The following FGGY variants were observed in gnomAD, a reference collection of about 807,000 sequenced individuals.
The protein encoded by FGGY is FGGY carbohydrate kinase domain-containing protein.
A neutral mutation model predicts 71.3 loss-of-function variants in FGGY; 72 were observed. That is an observed-to-expected ratio of 1.01 (90% CI 0.84 to 1.23). FGGY has a LOEUF of 1.23. Ranked by LOEUF, FGGY falls within the 50% of genes most tolerant of loss-of-function variation. The pLI, the probability that FGGY is intolerant of heterozygous loss-of-function variation, is 0.00. For missense variants in FGGY, 668 were observed against 682.3 expected (o/e 0.98, Z 0.23); for synonymous variants, 251 against 250.3 (o/e 1.00, Z -0.02).
At position 59,576,653 on chromosome 1, in the gene FGGY, TACAG is replaced by T. The variant is rs869282788; in HGVS notation, c.903+22450_903+22453del. 8.2e-3 allele frequency among the ~76,000 whole-genome samples: 874 copies of T among 106,848 alleles called. 5 individuals carry two copies. Among genetic ancestry groups the T allele is most frequent in the Admixed American group, 0.027 (304 of 11,416 alleles). The allele number at this position is 106,848 out of a possible 152,430, so 70.1% of individuals were successfully genotyped here. A position where few individuals can be genotyped will look rare whatever the true frequency, so the allele number is the denominator to read the frequency against. On this transcript the variant is annotated intron_variant, in intron 8 of 15. Transcript: ENST00000303721. ...AGTGAGAGTGATATTTGCTAGAGAT[TACAG>T]ACAGACAGACAGACAGACAGACACA... is the stretch of plus-strand genomic sequence containing the variant.
intron 9 of FGGY, among the ~76,000 whole-genome samples, chr1:59,613,001 T>C (rs948052314): frequency 1.3e-5 from 2 of 152,102 alleles, no homozygotes; most frequent in African/African-American, 4.8e-5. Flanking sequence ...ATAAAGCAAG[T>C]CCTTAGAGAA....
At chr1:59,392,827 G>C (rs1284683593) in intron 5 of FGGY, among the ~76,000 whole-genome samples, 1 of 152,050 alleles carries the variant, frequency 6.6e-6, no homozygotes, top group Non-Finnish European at 1.5e-5. Context: ...TTGCAGTCAG[G>C]GAGCCCTCTG....
chr1:59,380,549 A>C (rs2059287490), intron 5 of FGGY, among the ~76,000 whole-genome samples: 1 of 151,644 alleles, frequency 6.6e-6, no homozygotes, highest in South Asian at 2.1e-4. Context: ...ATGGCCAGTG[A>C]TGATGAGCAT....
At chr1:59,640,750 T>C (rs890840623) in intron 11 of FGGY, among the ~76,000 whole-genome samples, 1 of 151,072 alleles carries the variant, frequency 6.6e-6, no homozygotes, top group Non-Finnish European at 1.5e-5. Flanking sequence ...AAGTGGCTAC[T>C]GACACTGACT....
intron 8 of FGGY, among the ~76,000 whole-genome samples, chr1:59,592,100 C>T (rs1365384127): frequency 6.6e-6 from 1 of 151,440 alleles, no homozygotes; most frequent in Non-Finnish European, 1.5e-5. Context: ...CAAGAAAAAG[C>T]AACCCCATCA....
chr1:59,299,560 T>C (rs2153073941), intron 1 of FGGY, among the ~76,000 whole-genome samples: 1 of 152,284 alleles, frequency 6.6e-6, no homozygotes, highest in Admixed American at 6.5e-5. Flanking sequence ...GTTAGGAATG[T>C]TATAAAGGTT....
At chr1:59,490,028 C>A (rs1311462549) in intron 6 of FGGY, among the ~76,000 whole-genome samples, 1 of 152,068 alleles carries the variant, frequency 6.6e-6, no homozygotes, top group Non-Finnish European at 1.5e-5. Context: ...TGAGAAATAT[C>A]TGTTCAGATC....
chr1:59,534,723 G>A (rs1238341633), intron 7 of FGGY, among the ~76,000 whole-genome samples: 1 of 150,504 alleles, frequency 6.6e-6, no homozygotes, highest in Non-Finnish European at 1.5e-5. Context: ...TTCATATCCA[G>A]CCAAACTAAG....
intron 8 of FGGY, among the ~76,000 whole-genome samples, chr1:59,591,185 T>C (rs115235230): frequency 0.12 from 18,758 of 152,126 alleles, 1,335 homozygotes; most frequent in South Asian, 0.3. Flanking sequence ...AGCTCCCATT[T>C]ACAATTGCTT....
intron 14 of FGGY, among the ~76,000 whole-genome samples, chr1:59,684,121 G>T (rs1439528515): frequency 6.6e-6 from 1 of 152,184 alleles, no homozygotes; most frequent in Non-Finnish European, 1.5e-5. Context: ...ACAGTAGCAG[G>T]GCAAGGAAGA....
chr1:59,681,589 A>G (rs867993815), intron 14 of FGGY, among the ~76,000 whole-genome samples: 48 of 152,208 alleles, frequency 3.2e-4, no homozygotes, highest in African/African-American at 1.1e-3. Flanking sequence ...TCTAATTACT[A>G]TTTATGCCTT....
chr1:59,642,551 G>GT (rs1376676542), intron 11 of FGGY, among the ~76,000 whole-genome samples: 2 of 151,172 alleles, frequency 1.3e-5, no homozygotes, highest in Non-Finnish European at 2.9e-5. Flanking sequence ...CTTGAACCTG[G>GT]TAGGCGGAGG....
chr1:59,455,299 T>A (rs2091577475), intron 5 of FGGY, among the ~76,000 whole-genome samples: 1 of 152,152 alleles, frequency 6.6e-6, no homozygotes, highest in African/African-American at 2.4e-5. Context: ...AAAAGGACAA[T>A]CTGAGCTGAG....
chr1:59,348,968 T>C (rs1269597764), intron 4 of FGGY, among the ~76,000 whole-genome samples: 1 of 152,152 alleles, frequency 6.6e-6, no homozygotes, highest in Non-Finnish European at 1.5e-5. Flanking sequence ...GAGAGTTGTA[T>C]TAACCAGTTT....
intron 2 of FGGY, among the ~76,000 whole-genome samples, chr1:59,339,073 T>G (rs2050151661): frequency 6.6e-6 from 1 of 152,220 alleles, no homozygotes; most frequent in Non-Finnish European, 1.5e-5. Flanking sequence ...GTACATAAAC[T>G]TTGTTTCATG....
chr1:59,709,762 ATGAAAATGTAGGTCCC>A (rs1368119053), intron 14 of FGGY, among the ~76,000 whole-genome samples: 1 of 152,156 alleles, frequency 6.6e-6, no homozygotes, highest in African/African-American at 2.4e-5. Context: ...CCAGTGCAAA[ATGAAAATGTAGGTCCC>A]TGACCAGGGA....
intron 8 of FGGY, among the ~76,000 whole-genome samples, chr1:59,594,875 G>A (rs942762632): frequency 6.6e-6 from 1 of 152,178 alleles, no homozygotes; most frequent in Admixed American, 6.5e-5. Context: ...TGGAGAGAGA[G>A]AAGGAAAGTG....
At chr1:59,618,606 C>T (rs2096779649) in intron 9 of FGGY, among the ~76,000 whole-genome samples, 1 of 151,890 alleles carries the variant, frequency 6.6e-6, no homozygotes, top group South Asian at 2.1e-4. Flanking sequence ...CTTTGTAAGG[C>T]CATGGGAGAA....
chr1:59,646,228 A>G (rs2097092749), intron 11 of FGGY, among the ~76,000 whole-genome samples: 1 of 152,226 alleles, frequency 6.6e-6, no homozygotes, highest in South Asian at 2.1e-4. Context: ...TAGCTTTCAA[A>G]TGATGTATTT....
Sources: gnomAD v4.1 joint callset for allele counts (sites outside exome capture counted in the v4.1 genomes callset) on GRCh38, gnomAD v4.1.1 for gene constraint, MANE v1.5 for transcripts, NCBI Gene and HGNC (gene_info 2026-07-23, HGNC 2026-07-21) for gene names.